CMC1: variants seen among roughly 807,000 people sequenced by gnomAD.
CMC1 encodes the protein C-X9-C motif containing 1.
CMC1 carries 14 observed loss-of-function variants against 14.1 expected under a neutral mutation model. The ratio of observed to expected loss-of-function variants is 0.99; its 90% CI spans 0.66 to 1.55. The LOEUF is 1.55. Ranked by LOEUF, CMC1 falls within the 40% of genes most tolerant of loss-of-function variation. The pLI is 0.00. For missense variants in CMC1, 127 were observed against 123.8 expected, an observed-to-expected ratio of 1.03 and a Z score of -0.12; for synonymous variants, 50 against 38.4, an observed-to-expected ratio of 1.30 and a Z score of -1.12.
chr3:28,310,537 C>G (rs972151702), intron 2 of CMC1, among the ~76,000 whole-genome samples: 5 of 152,264 alleles, frequency 3.3e-5, no homozygotes, highest in African/African-American at 1.2e-4. Flanking sequence ...ATCATGAAGA[C>G]AGGAATGTAG....
intron 1 of CMC1, among the ~76,000 whole-genome samples, chr3:28,245,567 G>C (rs1698780157): frequency 6.6e-6 from 1 of 152,192 alleles, no homozygotes; most frequent in Non-Finnish European, 1.5e-5. Flanking sequence ...TCAGGTGTGT[G>C]TGTGTCCCTG....
At chr3:28,285,360 T>A (rs1396798561) in intron 2 of CMC1, among the ~76,000 whole-genome samples, 2 of 85,292 alleles carry the variant, frequency 2.3e-5, no homozygotes, top group Non-Finnish European at 5.3e-5. Flanking sequence ...GAATACATAT[T>A]GTAGTATGAG....
Position 28,321,182 on chromosome 3 carries a change from A to G in CMC1, c.*1553A>G, listed in dbSNP as rs1444264740. On this transcript the variant is annotated 3_prime_UTR_variant, in exon 4 of 4. Coordinates refer to ENST00000466830, the MANE Select transcript of CMC1 (RefSeq NM_182523.2). ...AAAAGCAAAGCAAATATAGAAATCT[A>G]GAGACCACACAGCATAGGGGCAAAC... 1 of 151,488 alleles carries G rather than the reference A, an allele frequency of 6.6e-6. No individual in the cohort carries two copies. Among genetic ancestry groups the G allele is most frequent in the Non-Finnish European group, 1.5e-5 (1 of 67,586 alleles). The allele number at this position is 151,488 out of a possible 1,614,324, so 9.4% of individuals were successfully genotyped here.
At chr3:28,253,734 A>G in intron 1 of CMC1, 2 of 1,285,558 alleles carry the variant, frequency 1.6e-6, no homozygotes, top group Non-Finnish European at 2.0e-6. Flanking sequence ...CCTACAGAGT[A>G]AACAGTAGCA....
intron 2 of CMC1, among the ~76,000 whole-genome samples, chr3:28,274,700 G>A (rs1660524463): frequency 1.3e-5 from 2 of 152,022 alleles, no homozygotes; most frequent in Admixed American, 1.3e-4. Context: ...ATATCCTGAA[G>A]TGTGTTTTCC....
chr3:28,258,701 G>C (rs1330496982), intron 1 of CMC1, among the ~76,000 whole-genome samples: 2 of 143,510 alleles, frequency 1.4e-5, no homozygotes, highest in Non-Finnish European at 1.5e-5. Flanking sequence ...CTCACTGCAA[G>C]CTCTGCCTCC....
At chr3:28,242,509 G>C (rs1212695909) in intron 1 of CMC1, among the ~76,000 whole-genome samples, 1 of 152,190 alleles carries the variant, frequency 6.6e-6, no homozygotes, top group Non-Finnish European at 1.5e-5. Context: ...TCAAAACATT[G>C]AGAGGTAAAT....
At position 28,315,392 on chromosome 3, in the gene CMC1, T is replaced by G. The variant is rs1175764445; in HGVS notation, c.110-941T>G. 3.3e-5 allele frequency among the ~76,000 whole-genome samples: 5 copies of G among 152,142 alleles called. No homozygotes were observed. The East Asian group carries it at 9.6e-4, about 29-fold the overall frequency. ...AGAGTGGAAATTTGACAGAAAGCCA[T>G]TTGAAGTATCTACAGCACCTAGAAC... On this transcript the variant is annotated intron_variant, in intron 2 of 3. Transcript: ENST00000466830.
At chr3:28,274,500 TC>T (rs1186360881) in intron 2 of CMC1, among the ~76,000 whole-genome samples, 1 of 152,120 alleles carries the variant, frequency 6.6e-6, no homozygotes, top group Non-Finnish European at 1.5e-5. Context: ...CTGATGGGCT[TC>T]CCTTTTTAGG....
chr3:28,317,122 C>G (rs1217091900), intron 3 of CMC1: 1 of 151,830 alleles, frequency 6.6e-6, no homozygotes, highest in Non-Finnish European at 1.5e-5. Flanking sequence ...TTTCTGTAGC[C>G]TGTGCAGCGT....
Position 28,316,729 on chromosome 3 carries a change from A to G in CMC1, c.200+306A>G, listed in dbSNP as rs565385333. 9.2e-4 allele frequency: 165 copies of G among 179,920 alleles called. 1 individual carries two copies. The highest frequency in any genetic ancestry group is 2.3e-3 in the Middle Eastern group (1 of 428). 11.1% of individuals were successfully genotyped at this position (179,920 alleles called of 1,614,324 possible). On this transcript the variant is annotated intron_variant, in intron 3 of 3. Transcript: ENST00000466830. ...GATCTGTAAAATATAGTACAGACTG[A>G]TTTTTGTTTATTCTGTTGTAAAGAT...
In CMC1 at chr3:28,319,615, C is replaced by G; in HGVS notation, c.307C>G (p.Pro103Ala). The G allele has an allele frequency of 6.2e-7, 1 of 1,606,038 alleles. No individual in the cohort carries two copies. ...TACAAAGAAAAGGCTACAGAAGCTT[C>G]CAACAAGCATGTAGGCAGATACTCA... ...IPTKKRLQKL[P>A]TSM The change falls in exon 4 of 4, where the codon CCA (proline) becomes GCA (alanine). Residue 103 changes from proline to alanine, a missense_variant. Coordinates refer to ENST00000466830, the MANE Select transcript of CMC1 (RefSeq NM_182523.2).
chr3:28,261,004 G>A (rs1007906084), intron 1 of CMC1, among the ~76,000 whole-genome samples: 1 of 152,178 alleles, frequency 6.6e-6, no homozygotes, highest in Non-Finnish European at 1.5e-5. Context: ...TTTATAGCCA[G>A]ATTGTGGTTT....
chr3:28,321,750 T>C lies in CMC1; in HGVS notation c.*2121T>C, dbSNP rs7613767. ...GGTTTTCTAATGTTTCACATAGGCATGTTCCTGCTTTTAAGAATTCAGTTC... is the reference window on the plus strand; with the variant it reads ...GGTTTTCTAATGTTTCACATAGGCACGTTCCTGCTTTTAAGAATTCAGTTC... On this transcript the variant is annotated 3_prime_UTR_variant, in exon 4 of 4. Transcript: ENST00000466830. 119,773 of 151,160 alleles carry C rather than the reference T, an allele frequency of 0.79. 48,078 individuals carry two copies. The highest frequency in any genetic ancestry group is 0.93 in the African/African-American group (38,627 of 41,408). The allele number at this position is 151,160 out of a possible 1,614,324, so 9.4% of individuals were successfully genotyped here.
At chr3:28,268,225 C>G (rs1002077124) in intron 2 of CMC1, among the ~76,000 whole-genome samples, 1 of 152,140 alleles carries the variant, frequency 6.6e-6, no homozygotes, top group African/African-American at 2.4e-5. Context: ...CAGGACTCAG[C>G]ATATAATCCT....
chr3:28,309,821 C>CA lies in CMC1; in HGVS notation c.110-6512_110-6511insA, dbSNP rs1702530510. Among the ~76,000 whole-genome samples, 120 of 131,878 alleles carry CA rather than the reference C, an allele frequency of 9.1e-4. 1 individual carries two copies. The highest frequency in any genetic ancestry group is 3.5e-3 in the African/African-American group (119 of 33,562). The allele number at this position is 131,878 out of a possible 152,430, so 86.5% of individuals were successfully genotyped here. ...CCTTTTCTCCTGCAGCTGATATTTA[C>CA]CACACACACACACACACACACACAC... is the stretch of plus-strand genomic sequence containing the variant. On this transcript the variant is annotated intron_variant, in intron 2 of 3. Coordinates refer to ENST00000466830, the MANE Select transcript of CMC1 (RefSeq NM_182523.2).
In CMC1 at chr3:28,321,224, A is replaced by C. The variant is rs183783138; in HGVS notation, c.*1595A>C. On this transcript the variant is annotated 3_prime_UTR_variant, in exon 4 of 4. Transcript: ENST00000466830. ...GGGGCAAACATGCCCATATTTCCAC[A>C]TTGACCTTTGGTATTGGTGCATTTC... The C allele has an allele frequency of 2.6e-4, 40 of 151,548 alleles. No individual in the cohort carries two copies. The highest frequency in any genetic ancestry group is 9.6e-4 in the African/African-American group (40 of 41,476). The allele number at this position is 151,548 out of a possible 1,614,324, so 9.4% of individuals were successfully genotyped here. A position where few individuals can be genotyped will look rare whatever the true frequency, so the allele number is the denominator to read the frequency against.
intron 2 of CMC1, among the ~76,000 whole-genome samples, chr3:28,309,941 CCACACACACACACACACACACACACA>C (rs57007112): frequency 1.4e-4 from 19 of 132,570 alleles, no homozygotes; most frequent in South Asian, 5.4e-4. Flanking sequence ...CTGACGTCCA[CCACACACACACACACACACACACACA>C]CACACACACA....
intron 2 of CMC1, among the ~76,000 whole-genome samples, chr3:28,311,119 T>C (rs1338136199): frequency 3.3e-5 from 5 of 152,226 alleles, no homozygotes. Flanking sequence ...ATTTTTCCAT[T>C]TGAACTAATG....
Sources: allele counts gnomAD v4.1 joint callset (sites outside exome capture counted in the v4.1 genomes callset), GRCh38; gene constraint gnomAD v4.1.1; transcripts MANE v1.5; gene names NCBI Gene and HGNC (gene_info 2026-07-23, HGNC 2026-07-21).